RBFOX2: variants seen among roughly 807,000 people sequenced by gnomAD.
The protein encoded by RBFOX2 is RNA binding protein fox-1 homolog 2.
Under a neutral mutation model 49.1 loss-of-function variants are expected in RBFOX2, and 10 were observed. That is an observed-to-expected ratio of 0.20 (90% CI 0.13 to 0.35). The LOEUF (loss-of-function observed/expected upper bound fraction) is 0.35. Among genes scored for constraint, RBFOX2 ranks in the 10% least tolerant of loss-of-function variants. The probability of loss-of-function intolerance (pLI) is 1.00; values close to 1 mark genes in which losing one functional copy is unlikely to be tolerated. For synonymous variants in RBFOX2, 183 were observed against 187.4 expected (o/e 0.98, Z 0.19); for missense variants, 323 against 486.9 (o/e 0.66, Z 3.17).
intron 6 of RBFOX2, 66 bp from the exon 8 acceptor site, chr22:35,761,534 T>C: frequency 6.4e-7 from 1 of 1,562,162 alleles, no homozygotes; most frequent in Non-Finnish European, 8.8e-7. Context: ...TCAGTGCATG[T>C]CAAGTTGGCT....
chr22:35,916,122 T>C (rs1362944117), intron 1 of RBFOX2, among the ~76,000 whole-genome samples: 3 of 152,226 alleles, frequency 2.0e-5, no homozygotes, highest in Non-Finnish European at 4.4e-5. Flanking sequence ...AGGTTCAGTA[T>C]GGTTACTAAA....
At chr22:35,974,474 G>C (rs1037618403) in intron 1 of RBFOX2, among the ~76,000 whole-genome samples, 1 of 152,138 alleles carries the variant, frequency 6.6e-6, no homozygotes. Context: ...AGATCACGAG[G>C]TCAGGAGTTG....
chr22:35,953,210 CAAAAAA>C (rs34387129), intron 1 of RBFOX2, among the ~76,000 whole-genome samples: 6 of 22,418 alleles, frequency 2.7e-4, no homozygotes, highest in Non-Finnish European at 5.3e-4. Context: ...GACTCCATCT[CAAAAAA>C]AAAAAAAAAA....
At chr22:35,821,157 C>T (rs1305010225) in intron 1 of RBFOX2, among the ~76,000 whole-genome samples, 1 of 152,162 alleles carries the variant, frequency 6.6e-6, no homozygotes, top group Non-Finnish European at 1.5e-5. Flanking sequence ...ATTCTGTTTT[C>T]TAAATGCATT....
At chr22:35,983,434 AT>A (rs2057555796) in intron 1 of RBFOX2, among the ~76,000 whole-genome samples, 1 of 152,044 alleles carries the variant, frequency 6.6e-6, no homozygotes, top group Admixed American at 6.6e-5. Flanking sequence ...CCCCTTGGCC[AT>A]TTTTTTACCT....
chr22:35,824,567 T>C (rs899732345), intron 1 of RBFOX2, among the ~76,000 whole-genome samples: 9 of 152,228 alleles, frequency 5.9e-5, no homozygotes, highest in African/African-American at 2.2e-4. Context: ...GAGTCCTATG[T>C]TAGAAGTAGT....
At chr22:35,878,070 A>T (rs2045392317) in intron 1 of RBFOX2, among the ~76,000 whole-genome samples, 1 of 151,242 alleles carries the variant, frequency 6.6e-6, no homozygotes, top group Admixed American at 6.6e-5. Flanking sequence ...ACACACACAC[A>T]CACACACACG....
At chr22:35,901,209 C>T (rs1416319198) in intron 1 of RBFOX2, among the ~76,000 whole-genome samples, 1 of 152,176 alleles carries the variant, frequency 6.6e-6, no homozygotes, top group African/African-American at 2.4e-5. Flanking sequence ...GTTCAACGTT[C>T]GTTTTTAAGA....
chr22:35,947,253 G>A (rs555633557), intron 1 of RBFOX2, among the ~76,000 whole-genome samples: 13 of 152,154 alleles, frequency 8.5e-5, no homozygotes, highest in Admixed American at 7.2e-4. Context: ...CATCATAACT[G>A]TCATGGCACA....
chr22:35,884,996 C>A lies in RBFOX2; in HGVS notation c.-34+53851G>T, dbSNP rs542140815. On this transcript the variant is annotated intron_variant, in intron 1 of 13. Coordinates refer to the RBFOX2 transcript ENST00000359369. The stretch of plus-strand genomic sequence containing the variant: ...CTCTTCCAATCCCAACTGCCTTTAA[C>A]AATCGAAAATTTCTCCAGTTTGAAT... 2.6e-5 allele frequency among the ~76,000 whole-genome samples: 4 copies of A among 152,266 alleles called. 1 individual carries two copies. Among genetic ancestry groups the A allele is most frequent in the African/African-American group, 9.6e-5 (4 of 41,552 alleles).
At chr22:35,765,613 A>C in intron 5 of RBFOX2, 130 bp from the exon 7 acceptor site, 1 of 450,170 alleles carries the variant, frequency 2.2e-6, no homozygotes, top group Non-Finnish European at 4.0e-6. Context: ...TAAATAATTA[A>C]CACAGCAATA....
intron 1 of RBFOX2, among the ~76,000 whole-genome samples, chr22:35,990,611 G>C (rs2057935223): frequency 6.6e-6 from 1 of 152,172 alleles, no homozygotes; most frequent in South Asian, 2.1e-4. Context: ...TGGTGAAAGA[G>C]AAGAAAGGCA....
At chr22:35,899,062 G>A (rs1235423201) in intron 1 of RBFOX2, among the ~76,000 whole-genome samples, 1 of 151,970 alleles carries the variant, frequency 6.6e-6, no homozygotes, top group Non-Finnish European at 1.5e-5. Context: ...AGGTTGCGGT[G>A]AGCCGAGGTC....
chr22:35,915,757 A>C (rs1238948827), intron 1 of RBFOX2, among the ~76,000 whole-genome samples: 1 of 152,188 alleles, frequency 6.6e-6, no homozygotes, highest in Non-Finnish European at 1.5e-5. Context: ...ACGGCACCAG[A>C]AACGAGGAGT....
chr22:35,988,877 A>G (rs2057841499), intron 1 of RBFOX2, among the ~76,000 whole-genome samples: 1 of 152,350 alleles, frequency 6.6e-6, no homozygotes, highest in South Asian at 2.1e-4. Flanking sequence ...GAGTTACACA[A>G]GGACAGAATT....
At chr22:35,880,858 G>A (rs534102888) in intron 1 of RBFOX2, among the ~76,000 whole-genome samples, 2 of 152,206 alleles carry the variant, frequency 1.3e-5, no homozygotes, top group Admixed American at 6.5e-5. Context: ...GAAGAAAGGA[G>A]GGATAGGCAA....
At chr22:35,825,981 CAAAAAA>C (rs901630936) in intron 1 of RBFOX2, among the ~76,000 whole-genome samples, 6 of 39,850 alleles carry the variant, frequency 1.5e-4, no homozygotes, top group East Asian at 7.1e-4. Flanking sequence ...GACTCCGCTT[CAAAAAA>C]AAAAAAAAAA....
intron 1 of RBFOX2, among the ~76,000 whole-genome samples, chr22:36,004,348 C>T (rs1034372576): frequency 2.0e-5 from 3 of 152,202 alleles, no homozygotes; most frequent in African/African-American, 4.8e-5. Context: ...ACTCTTCTAA[C>T]GTCAAGATCT....
chr22:35,918,704 A>G (rs1160483716), intron 1 of RBFOX2, among the ~76,000 whole-genome samples: 1 of 151,850 alleles, frequency 6.6e-6, no homozygotes, highest in Non-Finnish European at 1.5e-5. Context: ...GTAGGGGGCA[A>G]TGGTGCTGGC....
Sources: gnomAD v4.1 joint callset for allele counts (sites outside exome capture counted in the v4.1 genomes callset) on GRCh38, gnomAD v4.1.1 for gene constraint, MANE v1.5 for transcripts, NCBI Gene and HGNC (gene_info 2026-07-23, HGNC 2026-07-21) for gene names.